COLEC10: variants seen among roughly 807,000 people sequenced by gnomAD.
COLEC10 encodes collectin-10.
Under a neutral mutation model 28.4 loss-of-function variants are expected in COLEC10, and 22 were observed. That is an observed-to-expected ratio of 0.78 (90% CI 0.55 to 1.11). The LOEUF is 1.11. COLEC10 is among the 50% of genes least tolerant of loss of function. COLEC10 has a pLI of 0.00. For missense variants in COLEC10, 361 were observed against 344.1 expected (o/e 1.05, Z -0.39); for synonymous variants, 125 against 116.1 (o/e 1.08, Z -0.49).
At chr8:118,978,491 C>T in the COLEC10 span, among the ~76,000 whole-genome samples, 4 of 152,038 alleles carry the variant, frequency 2.6e-5, no homozygotes, top group African/African-American at 9.7e-5. Context: ...AAATGACAGC[C>T]TGTCAAACAT....
intron 2 of COLEC10, among the ~76,000 whole-genome samples, chr8:119,026,217 C>T (rs1022015768): frequency 6.6e-6 from 1 of 151,922 alleles, no homozygotes; most frequent in African/African-American, 2.4e-5. Context: ...TGGGCATTGC[C>T]CTAAGTTCTT....
At chr8:119,091,555 G>A (rs564395350) in intron 3 of COLEC10, among the ~76,000 whole-genome samples, 9 of 124,050 alleles carry the variant, frequency 7.3e-5, no homozygotes, top group Admixed American at 1.6e-4. Flanking sequence ...ACCCTGTCTC[G>A]AAAGAAAGAA....
At chr8:119,105,415 T>G (rs1746508749) in intron 5 of COLEC10, among the ~76,000 whole-genome samples, 1 of 152,116 alleles carries the variant, frequency 6.6e-6, no homozygotes, top group South Asian at 2.1e-4. Context: ...TAGAAAAGAC[T>G]TTCTAGGCAT....
chr8:118,983,918 C>A, the COLEC10 span, among the ~76,000 whole-genome samples: 1 of 152,154 alleles, frequency 6.6e-6, no homozygotes, highest in Non-Finnish European at 1.5e-5. Flanking sequence ...TTGTGGAAAG[C>A]AGTTTGATGA....
chr8:119,008,914 G>T (rs997660352), intron 1 of COLEC10, among the ~76,000 whole-genome samples: 3 of 151,002 alleles, frequency 2.0e-5, no homozygotes, highest in Non-Finnish European at 4.4e-5. Context: ...CACATAACAG[G>T]CACCCAATAG....
the COLEC10 span, among the ~76,000 whole-genome samples, chr8:118,980,734 A>G: frequency 1.3e-5 from 2 of 151,530 alleles, no homozygotes; most frequent in Non-Finnish European, 2.9e-5. Flanking sequence ...GGTAAACTTT[A>G]AAAATACTTA....
chr8:118,982,391 T>C, the COLEC10 span, among the ~76,000 whole-genome samples: 1 of 152,106 alleles, frequency 6.6e-6, no homozygotes, highest in Non-Finnish European at 1.5e-5. Context: ...TTCAAAATAT[T>C]ATGAAATAAA....
At chr8:119,033,822 A>G (rs1302159901) in intron 2 of COLEC10, among the ~76,000 whole-genome samples, 1 of 152,220 alleles carries the variant, frequency 6.6e-6, no homozygotes, top group Middle Eastern at 3.2e-3. Flanking sequence ...CCATTGTGGA[A>G]GACAGTGTGG....
chr8:119,105,359 A>G (rs1452489844), intron 5 of COLEC10, among the ~76,000 whole-genome samples: 1 of 152,156 alleles, frequency 6.6e-6, no homozygotes, highest in Non-Finnish European at 1.5e-5. Flanking sequence ...TTATAGGGGA[A>G]AATATTTCCA....
At chr8:119,070,568 C>A (rs1305080062) in intron 1 of COLEC10, among the ~76,000 whole-genome samples, 2 of 50,594 alleles carry the variant, frequency 4.0e-5, no homozygotes, top group East Asian at 4.9e-4. Flanking sequence ...CTCTCTCTCT[C>A]CCCCCACCCC....
At chr8:119,039,475 T>G (rs968053912) in intron 2 of COLEC10, among the ~76,000 whole-genome samples, 3 of 152,304 alleles carry the variant, frequency 2.0e-5, no homozygotes, top group Admixed American at 6.5e-5. Flanking sequence ...TGTGCCAGTG[T>G]TGGGCATAGT....
At chr8:118,977,973 A>G in the COLEC10 span, among the ~76,000 whole-genome samples, 1 of 151,912 alleles carries the variant, frequency 6.6e-6, no homozygotes, top group East Asian at 1.9e-4. Context: ...GGTCAAACAT[A>G]AAGCCCCAGT....
intron 2 of COLEC10, among the ~76,000 whole-genome samples, chr8:119,035,235 C>A (rs746719500): frequency 6.6e-6 from 1 of 152,180 alleles, no homozygotes; most frequent in Non-Finnish European, 1.5e-5. Flanking sequence ...AATCTGAGCT[C>A]AAGATGGCTT....
At chr8:119,004,755 C>T (rs1017059161) in intron 1 of COLEC10, among the ~76,000 whole-genome samples, 2 of 151,778 alleles carry the variant, frequency 1.3e-5, no homozygotes, top group Non-Finnish European at 2.9e-5. Context: ...CACCCAATTG[C>T]TCACCTGGGA....
At chr8:118,972,329 C>T in the COLEC10 span, among the ~76,000 whole-genome samples, 10 of 151,934 alleles carry the variant, frequency 6.6e-5, no homozygotes, top group African/African-American at 2.4e-4. Context: ...TTCTTGGCTC[C>T]GAGAGCTACT....
chr8:119,064,433 A>G (rs1814915171), upstream of COLEC10, among the ~76,000 whole-genome samples: 1 of 152,228 alleles, frequency 6.6e-6, no homozygotes, highest in Non-Finnish European at 1.5e-5. Flanking sequence ...TTGAAAATAA[A>G]CAAATAGTGA....
At chr8:118,953,223 A>G in the COLEC10 span, among the ~76,000 whole-genome samples, 8 of 152,196 alleles carry the variant, frequency 5.3e-5, no homozygotes, top group Admixed American at 5.2e-4. Flanking sequence ...ATGTAACAGC[A>G]TGCTGGTTTC....
At chr8:118,976,597 T>C in the COLEC10 span, 10 of 152,374 alleles carry the variant, frequency 6.6e-5, no homozygotes, top group South Asian at 1.0e-3. Context: ...GACACGCAAA[T>C]TCGTGAAGCG....
intron 1 of COLEC10, among the ~76,000 whole-genome samples, chr8:119,087,196 A>G (rs905058240): frequency 1.3e-5 from 2 of 152,192 alleles, no homozygotes; most frequent in African/African-American, 4.8e-5. Context: ...CATTTATTAA[A>G]CACCAGAGCC....
Sources: gnomAD v4.1 joint callset for allele counts (sites outside exome capture counted in the v4.1 genomes callset) on GRCh38, gnomAD v4.1.1 for gene constraint, MANE v1.5 for transcripts, NCBI Gene and HGNC (gene_info 2026-07-23, HGNC 2026-07-21) for gene names.